Variants in HS3ST2 observed in about 807,000 individuals in gnomAD.
HS3ST2 encodes the protein heparan sulfate-glucosamine 3-sulfotransferase 2.
A neutral mutation model predicts 26.3 loss-of-function variants in HS3ST2; 17 were observed. That is an observed-to-expected ratio of 0.65 (90% CI 0.44 to 0.97). The LOEUF (loss-of-function observed/expected upper bound fraction) is 0.97. Ranked by LOEUF, HS3ST2 falls within the 50% of genes least tolerant of loss-of-function variation. The probability of loss-of-function intolerance (pLI) is 0.00; values close to 1 mark genes in which losing one functional copy is unlikely to be tolerated. For missense variants in HS3ST2, 402 were observed against 501.2 expected (o/e 0.80, Z 1.89); for synonymous variants, 237 against 219.2 (o/e 1.08, Z -0.72).
chr16:22,822,073 C>G (rs1901002893), intron 1 of HS3ST2, among the ~76,000 whole-genome samples: 1 of 152,186 alleles, frequency 6.6e-6, no homozygotes, highest in Non-Finnish European at 1.5e-5. Flanking sequence ...TAAAGGACCT[C>G]TCACACTGCC....
At chr16:22,913,374 G>A (rs1902451497) in intron 1 of HS3ST2, among the ~76,000 whole-genome samples, 1 of 152,044 alleles carries the variant, frequency 6.6e-6, no homozygotes, top group Non-Finnish European at 1.5e-5. Context: ...ATCCCTTAAG[G>A]TCTCAAGCAG....
At chr16:22,823,413 G>A (rs560531602) in intron 1 of HS3ST2, among the ~76,000 whole-genome samples, 10 of 152,288 alleles carry the variant, frequency 6.6e-5, no homozygotes, top group African/African-American at 1.9e-4. Context: ...TAGTAAGTCT[G>A]TGTAGTACCT....
chr16:22,826,001 C>T (rs1319549422), intron 1 of HS3ST2, among the ~76,000 whole-genome samples: 2 of 151,910 alleles, frequency 1.3e-5, no homozygotes, highest in African/African-American at 2.4e-5. Context: ...CCAGCCTAGA[C>T]AAAAAGAGCA....
intron 1 of HS3ST2, among the ~76,000 whole-genome samples, chr16:22,913,305 C>T (rs774302577): frequency 2.6e-5 from 4 of 152,004 alleles, no homozygotes; most frequent in Middle Eastern, 3.2e-3. Context: ...GGGATGCTCC[C>T]GTCCATCAAG....
chr16:22,888,759 C>T (rs1902096767), intron 1 of HS3ST2, among the ~76,000 whole-genome samples: 1 of 152,138 alleles, frequency 6.6e-6, no homozygotes, highest in Non-Finnish European at 1.5e-5. Flanking sequence ...TCTGTTGTTG[C>T]CTGCCACTTC....
rs191515501 is a variant in HS3ST2 at position 22,882,775 on chromosome 16, G to A, written c.486-32169G>A. On this transcript the variant is annotated intron_variant, in intron 1 of 1. Coordinates refer to ENST00000261374, the MANE Select transcript of HS3ST2 (RefSeq NM_006043.2). ...AGGCTGGGCAGGGTGGCTCATGCCT[G>A]TAATCCAAGCACTTTGGGAAGCTGA... Among the ~76,000 whole-genome samples the A allele has an allele frequency of 1.8e-3, 278 of 152,150 alleles. 1 individual carries two copies. Among genetic ancestry groups the A allele is most frequent in the African/African-American group, 5.7e-3 (235 of 41,510 alleles).
At chr16:22,864,865 G>C (rs1389145528) in intron 1 of HS3ST2, among the ~76,000 whole-genome samples, 2 of 135,230 alleles carry the variant, frequency 1.5e-5, no homozygotes, top group Admixed American at 7.8e-5. Flanking sequence ...AGGCAACATA[G>C]GGAGACCCTG....
intron 1 of HS3ST2, among the ~76,000 whole-genome samples, chr16:22,881,361 G>A (rs1487303277): frequency 6.6e-6 from 1 of 152,128 alleles, no homozygotes; most frequent in Non-Finnish European, 1.5e-5. Flanking sequence ...CTGTCAGGAG[G>A]AGACAGGGCT....
Position 22,915,648 on chromosome 16 carries a change from C to T in HS3ST2, c.*86C>T, listed in dbSNP as rs1316306068. 1 of 1,418,462 alleles carries T rather than the reference C, an allele frequency of 7.0e-7. No homozygotes were observed. Among genetic ancestry groups the T allele is most frequent in the African/African-American group, 1.4e-5 (1 of 69,624 alleles). The allele number at this position is 1,418,462 out of a possible 1,614,324, so 87.9% of individuals were successfully genotyped here. ...CCCAGACCCTCTGATCTCCCTCCAACAAACCCTGGCTCCAGCCCCCTTTCC... is the reference window on the plus strand; with the variant it reads ...CCCAGACCCTCTGATCTCCCTCCAATAAACCCTGGCTCCAGCCCCCTTTCC... On this transcript the variant is annotated 3_prime_UTR_variant, in exon 2 of 2. Coordinates refer to ENST00000261374, the MANE Select transcript of HS3ST2 (RefSeq NM_006043.2).
chr16:22,824,057 G>C (rs2239333), intron 1 of HS3ST2, among the ~76,000 whole-genome samples: 1 of 152,094 alleles, frequency 6.6e-6, no homozygotes, highest in Non-Finnish European at 1.5e-5. Context: ...AGATTGTCAC[G>C]TATCTGTAGA....
At chr16:22,870,024 A>C (rs1901812154) in intron 1 of HS3ST2, among the ~76,000 whole-genome samples, 1 of 152,204 alleles carries the variant, frequency 6.6e-6, no homozygotes, top group Non-Finnish European at 1.5e-5. Flanking sequence ...CATTGAATTT[A>C]AAATGTAGGT....
intron 1 of HS3ST2, among the ~76,000 whole-genome samples, chr16:22,843,372 C>T (rs1361889024): frequency 6.6e-6 from 1 of 152,204 alleles, no homozygotes; most frequent in Non-Finnish European, 1.5e-5. Flanking sequence ...GGGTTGAGGA[C>T]TCAGTTCCCA....
intron 1 of HS3ST2, among the ~76,000 whole-genome samples, chr16:22,881,502 A>T (rs527353983): frequency 6.0e-4 from 92 of 152,306 alleles, no homozygotes; most frequent in African/African-American, 2.2e-3. Flanking sequence ...GAGGGTCCCA[A>T]AATCCACATT....
intron 1 of HS3ST2, among the ~76,000 whole-genome samples, chr16:22,838,740 T>A (rs1002361431): frequency 1.3e-5 from 2 of 152,174 alleles, no homozygotes; most frequent in Non-Finnish European, 2.9e-5. Flanking sequence ...AGGCAGTCGA[T>A]GAAAAGTCAG....
At chr16:22,906,856 C>T (rs1369887319) in intron 1 of HS3ST2, among the ~76,000 whole-genome samples, 1 of 152,172 alleles carries the variant, frequency 6.6e-6, no homozygotes, top group Non-Finnish European at 1.5e-5. Flanking sequence ...ATCTTTGATC[C>T]ATTTACTGAG....
At chr16:22,859,886 G>A (rs1166004417) in intron 1 of HS3ST2, among the ~76,000 whole-genome samples, 1 of 152,174 alleles carries the variant, frequency 6.6e-6, no homozygotes, top group Non-Finnish European at 1.5e-5. Context: ...GTGATTGGCA[G>A]TGGGGTGGAT....
chr16:22,817,598 A>G (rs1900889713), intron 1 of HS3ST2, among the ~76,000 whole-genome samples: 1 of 152,268 alleles, frequency 6.6e-6, no homozygotes, highest in Non-Finnish European at 1.5e-5. Context: ...TTTCTTCCTG[A>G]ATCCCATGAG....
In HS3ST2 at chr16:22,915,341, AAG is replaced by A; in HGVS notation, c.887_888del (p.Arg296IlefsTer42). On this transcript the variant is annotated frameshift_variant, in exon 2 of 2. Coordinates refer to ENST00000261374, the MANE Select transcript of HS3ST2 (RefSeq NM_006043.2). LOFTEE classifies it high-confidence loss of function. Reference sequence around the variant, plus strand: ...GCGAGTCCAGGACTTCCTGGGCATTAAGAGATTCATCACGGACAAGCACTTCT... The same window carrying A: ...GCGAGTCCAGGACTTCCTGGGCATTAAGATTCATCACGGACAAGCACTTCT... ...MGRVQDFLGI[K>X]RFITDKHFYF... 6.2e-7 allele frequency: 1 copy of A among 1,614,088 alleles called. No homozygotes were observed. The highest frequency in any genetic ancestry group is 8.5e-7 in the Non-Finnish European group (1 of 1,180,010).
At chr16:22,845,119 G>C (rs969022425) in intron 1 of HS3ST2, among the ~76,000 whole-genome samples, 1 of 146,270 alleles carries the variant, frequency 6.8e-6, no homozygotes, top group African/African-American at 2.7e-5. Flanking sequence ...CTCCCAAAGT[G>C]TTGGGATTAC....
Sources: gnomAD v4.1 joint callset for allele counts (sites outside exome capture counted in the v4.1 genomes callset) on GRCh38, gnomAD v4.1.1 for gene constraint, MANE v1.5 for transcripts, NCBI Gene and HGNC (gene_info 2026-07-23, HGNC 2026-07-21) for gene names.